Variants in ZMAT4 observed in about 807,000 individuals in gnomAD.
ZMAT4 encodes zinc finger matrin-type protein 4.
Under a neutral mutation model 28.7 loss-of-function variants are expected in ZMAT4, and 17 were observed. That is an observed-to-expected ratio of 0.59 (90% CI 0.41 to 0.89). The LOEUF is 0.89. ZMAT4 is among the 40% of genes least tolerant of loss of function. The pLI, the probability that ZMAT4 is intolerant of heterozygous loss-of-function variation, is 0.00. For missense variants in ZMAT4, 240 were observed against 283.8 expected (o/e 0.85, Z 1.11); for synonymous variants, 117 against 109.2 (o/e 1.07, Z -0.44).
intron 3 of ZMAT4, among the ~76,000 whole-genome samples, chr8:40,729,773 A>G (rs1357918395): frequency 1.3e-5 from 2 of 151,904 alleles, no homozygotes; most frequent in Non-Finnish European, 2.9e-5. Context: ...TAATCTTTGT[A>G]TTTTGAGGAG....
intron 3 of ZMAT4, among the ~76,000 whole-genome samples, chr8:40,708,621 C>T (rs1194999187): frequency 1.5e-5 from 2 of 135,482 alleles, no homozygotes; most frequent in African/African-American, 5.3e-5. Flanking sequence ...CAAAGAAGCT[C>T]TGTTAAGTTA....
Position 40,669,434 on chromosome 8 carries a change from C to T in ZMAT4, c.577+5270G>A, listed in dbSNP as rs1361913981. Among the ~76,000 whole-genome samples the T allele has an allele frequency of 3.3e-5, 5 of 151,824 alleles. No homozygotes were observed. The East Asian group carries it at 5.8e-4, about 18-fold the overall frequency. ...GATGATGTATTTCATAAAGTTACAC[C>T]GAGAGTGCCTGACTGTCTGCCTCTC... is the stretch of plus-strand genomic sequence containing the variant. On this transcript the variant is annotated intron_variant, in intron 5 of 6. Transcript: ENST00000297737.
At chr8:40,726,453 T>C (rs1811320470) in intron 3 of ZMAT4, among the ~76,000 whole-genome samples, 1 of 152,244 alleles carries the variant, frequency 6.6e-6, no homozygotes, top group Non-Finnish European at 1.5e-5. Flanking sequence ...TTTTGGCCTT[T>C]CTGCCGCCTT....
chr8:40,607,117 C>CTTTTTTTTTT (rs71544299), intron 5 of ZMAT4, among the ~76,000 whole-genome samples: 26 of 65,720 alleles, frequency 4.0e-4, no homozygotes, highest in Non-Finnish European at 4.5e-4. Flanking sequence ...TATCTTGTAT[C>CTTTTTTTTTT]TTTTTTTTTT....
At chr8:40,825,813 T>C in intron 1 of ZMAT4, 133 bp from the exon 2 acceptor site, 1 of 639,486 alleles carries the variant, frequency 1.6e-6, no homozygotes, top group South Asian at 1.9e-5. Context: ...CTCCCTACAC[T>C]CTTGACGTTA....
At chr8:40,749,017 A>G (rs942659362) in intron 3 of ZMAT4, among the ~76,000 whole-genome samples, 2 of 152,272 alleles carry the variant, frequency 1.3e-5, no homozygotes, top group East Asian at 3.9e-4. Flanking sequence ...TGCTTTTATA[A>G]GGGGTAACCC....
chr8:40,612,743 TG>T (rs1348766059), intron 5 of ZMAT4, among the ~76,000 whole-genome samples: 2 of 136,166 alleles, frequency 1.5e-5, no homozygotes, highest in Admixed American at 1.5e-4. Context: ...CCTAAAAACA[TG>T]TTCCTTATAT....
At chr8:40,678,800 T>C (rs930909228) in intron 4 of ZMAT4, among the ~76,000 whole-genome samples, 1 of 152,208 alleles carries the variant, frequency 6.6e-6, no homozygotes, top group African/African-American at 2.4e-5. Flanking sequence ...TTTTTTCAGA[T>C]TCATTTATTA....
chr8:40,602,714 A>G (rs1482256689), intron 5 of ZMAT4, among the ~76,000 whole-genome samples: 1 of 151,478 alleles, frequency 6.6e-6, no homozygotes, highest in Non-Finnish European at 1.5e-5. Flanking sequence ...CTTTTTGATG[A>G]TGGGATTATT....
At chr8:40,803,786 T>C (rs1255918567) in intron 2 of ZMAT4, among the ~76,000 whole-genome samples, 1 of 152,182 alleles carries the variant, frequency 6.6e-6, no homozygotes, top group Non-Finnish European at 1.5e-5. Flanking sequence ...CACGAATATT[T>C]ATAGCAACTT....
At chr8:40,855,440 G>C (rs1225410561) in intron 1 of ZMAT4, among the ~76,000 whole-genome samples, 1 of 151,982 alleles carries the variant, frequency 6.6e-6, no homozygotes, top group Non-Finnish European at 1.5e-5. Context: ...GATAAAAACT[G>C]TCTCTCTCCA....
At chr8:40,567,523 G>C (rs1803958567) in intron 6 of ZMAT4, among the ~76,000 whole-genome samples, 3 of 151,834 alleles carry the variant, frequency 2.0e-5, no homozygotes, top group African/African-American at 7.2e-5. Flanking sequence ...CTGAGGTCAG[G>C]AGTTCAAGAC....
intron 5 of ZMAT4, among the ~76,000 whole-genome samples, chr8:40,582,990 C>T (rs2118551040): frequency 6.6e-6 from 1 of 152,166 alleles, no homozygotes; most frequent in South Asian, 2.1e-4. Flanking sequence ...GGTCACGAAC[C>T]CGTGCTGACC....
intron 3 of ZMAT4, among the ~76,000 whole-genome samples, chr8:40,730,407 A>G (rs1464626859): frequency 6.6e-6 from 1 of 152,242 alleles, no homozygotes; most frequent in Non-Finnish European, 1.5e-5. Flanking sequence ...AAATATGAGC[A>G]TGTCTGTTGG....
rs1435739153 is a variant in ZMAT4 at position 40,652,665 on chromosome 8, A to G, written c.577+22039T>C. 9.9e-3 allele frequency among the ~76,000 whole-genome samples: 1,128 copies of G among 114,154 alleles called. 15 individuals carry two copies. The highest frequency in any genetic ancestry group is 0.016 in the Non-Finnish European group (857 of 52,656). The allele number at this position is 114,154 out of a possible 152,430, so 74.9% of individuals were successfully genotyped here. On this transcript the variant is annotated intron_variant, in intron 5 of 6. Transcript: ENST00000297737. ...TTATAGCGGCATTATTCATGATAGC[A>G]AAGACTTGGAACCAACCCAAATGTC...
At chr8:40,611,786 C>T (rs980241253) in intron 5 of ZMAT4, among the ~76,000 whole-genome samples, 1 of 152,094 alleles carries the variant, frequency 6.6e-6, no homozygotes, top group African/African-American at 2.4e-5. Context: ...TAAGGGAGAT[C>T]GGTAAAAATG....
chr8:40,558,468 C>T (rs1453376423), intron 6 of ZMAT4, among the ~76,000 whole-genome samples: 7 of 151,718 alleles, frequency 4.6e-5, no homozygotes, highest in Admixed American at 2.6e-4. Context: ...AGATTTGAGG[C>T]GTGTGGAGGT....
At chr8:40,891,563 C>T (rs1818688851) in intron 1 of ZMAT4, among the ~76,000 whole-genome samples, 1 of 152,146 alleles carries the variant, frequency 6.6e-6, no homozygotes, top group Non-Finnish European at 1.5e-5. Context: ...GGCCCTCTGC[C>T]CCTGAGGCTT....
chr8:40,707,714 C>A (rs184811044), intron 3 of ZMAT4, among the ~76,000 whole-genome samples: 221 of 152,210 alleles, frequency 1.5e-3, no homozygotes, highest in African/African-American at 5.1e-3. Flanking sequence ...AGAATAGATA[C>A]ATATTATCTC....
Sources: gnomAD v4.1 joint callset for allele counts (sites outside exome capture counted in the v4.1 genomes callset) on GRCh38, gnomAD v4.1.1 for gene constraint, MANE v1.5 for transcripts, NCBI Gene and HGNC (gene_info 2026-07-23, HGNC 2026-07-21) for gene names.